Variants in LPGAT1 observed in about 807,000 individuals in gnomAD.
The protein encoded by LPGAT1 is lysophosphatidylglycerol acyltransferase 1, also known as acyl-CoA:lysophosphatidylglycerol acyltransferase 1.
Under a neutral mutation model 47.5 loss-of-function variants are expected in LPGAT1, and 11 were observed. That is an observed-to-expected ratio of 0.23 (90% CI 0.15 to 0.38). LPGAT1 has a LOEUF of 0.38. LPGAT1 is among the 10% of genes least tolerant of loss of function. The pLI, the probability that LPGAT1 is intolerant of heterozygous loss-of-function variation, is 1.00. For missense variants in LPGAT1, 293 were observed against 439.0 expected (o/e 0.67, Z 2.97); for synonymous variants, 138 against 144.2 (o/e 0.96, Z 0.31).
intron 7 of LPGAT1, 81 bp from the exon 8 acceptor site, chr1:211,750,131 T>C (rs1571686440): frequency 8.2e-7 from 1 of 1,214,126 alleles, no homozygotes; most frequent in Non-Finnish European, 1.2e-6. Flanking sequence ...TTAGCTTAAC[T>C]ACATTTGTAC....
intron 2 of LPGAT1, among the ~76,000 whole-genome samples, chr1:211,813,508 C>A (rs921466472): frequency 3.3e-5 from 5 of 152,038 alleles, no homozygotes; most frequent in Non-Finnish European, 7.3e-5. Context: ...GGCCAAGAGG[C>A]AAATGAGGGT....
At chr1:211,755,420 GA>G (rs549447343) in intron 6 of LPGAT1, among the ~76,000 whole-genome samples, 4 of 149,574 alleles carry the variant, frequency 2.7e-5, no homozygotes, top group South Asian at 2.1e-4. Flanking sequence ...AATAAATATT[GA>G]AAAAAAAATC....
intron 2 of LPGAT1, among the ~76,000 whole-genome samples, chr1:211,820,231 ACCT>A (rs920244005): frequency 8.5e-5 from 13 of 152,192 alleles, no homozygotes; most frequent in African/African-American, 2.9e-4. Flanking sequence ...CCCCATACAA[ACCT>A]CCTACAAATA....
intron 4 of LPGAT1, among the ~76,000 whole-genome samples, chr1:211,787,305 C>T (rs763277569): frequency 6.6e-6 from 1 of 151,970 alleles, no homozygotes; most frequent in Non-Finnish European, 1.5e-5. Context: ...CCCTAACCAA[C>T]ACAGTGAAAC....
chr1:211,756,173 T>C (rs1188493628), intron 6 of LPGAT1, among the ~76,000 whole-genome samples: 1 of 151,836 alleles, frequency 6.6e-6, no homozygotes, highest in African/African-American at 2.4e-5. Context: ...GAGGTGGAGG[T>C]TGCAGTGAGC....
chr1:211,827,134 A>G (rs1004417027), intron 2 of LPGAT1, among the ~76,000 whole-genome samples: 3 of 152,230 alleles, frequency 2.0e-5, no homozygotes, highest in Non-Finnish European at 4.4e-5. Flanking sequence ...TACCTATAGG[A>G]AAACCTTTTA....
chr1:211,776,073 C>T (rs1318339730), intron 6 of LPGAT1, among the ~76,000 whole-genome samples: 1 of 149,466 alleles, frequency 6.7e-6, no homozygotes, highest in Non-Finnish European at 1.5e-5. Flanking sequence ...CTTTTAATTA[C>T]AGAACTCTAG....
At chr1:211,820,743 C>T (rs1660342415) in intron 2 of LPGAT1, among the ~76,000 whole-genome samples, 1 of 151,944 alleles carries the variant, frequency 6.6e-6, no homozygotes, top group South Asian at 2.1e-4. Context: ...TAACTAAGGT[C>T]TCCAAAAAGG....
chr1:211,786,484 A>C (rs1658883159), intron 4 of LPGAT1, among the ~76,000 whole-genome samples: 1 of 152,262 alleles, frequency 6.6e-6, no homozygotes, highest in African/African-American at 2.4e-5. Context: ...ACCATATTTC[A>C]GTTATCCATT....
At chr1:211,816,282 C>G (rs916349670) in intron 2 of LPGAT1, among the ~76,000 whole-genome samples, 1 of 152,124 alleles carries the variant, frequency 6.6e-6, no homozygotes, top group East Asian at 1.9e-4. Context: ...CCTGTTGTCT[C>G]TCTCCCACAC....
Position 211,829,070 on chromosome 1 carries a change from G to A in LPGAT1, c.227C>T (p.Ala76Val). 1.2e-6 allele frequency: 2 copies of A among 1,613,916 alleles called. No homozygotes were observed. The highest frequency in any genetic ancestry group is 2.2e-5 in the South Asian group (2 of 91,076). Residue 76 changes from alanine (A) to valine (V), a missense_variant, in exon 2 of 8, where the codon GCT becomes GTT. Coordinates refer to ENST00000366997, the MANE Select transcript of LPGAT1 (RefSeq NM_014873.3). ...LGMVASWGWY[A>V]GYTVMEWGED... is the part of the protein sequence containing the mutation. ...GTTCTCACTCTTACCTGTATATCCA[G>A]CATACCATCCCCAGGAAGCTACCAT...
intron 6 of LPGAT1, among the ~76,000 whole-genome samples, chr1:211,756,247 A>T (rs1456599316): frequency 1.3e-5 from 2 of 152,162 alleles, no homozygotes; most frequent in Admixed American, 1.3e-4. Context: ...AAAAAAACCA[A>T]ACCAAAACAA....
intron 1 of LPGAT1, 193 bp from the exon 2 acceptor site, chr1:211,829,516 T>C (rs182110737): frequency 1.6e-5 from 23 of 1,422,804 alleles, no homozygotes; most frequent in Middle Eastern, 5.2e-4. Flanking sequence ...CCGCACAAGG[T>C]CAAGGGAGCT....
chr1:211,830,042 G>A lies in LPGAT1; in HGVS notation c.-28+531C>T, dbSNP rs1660675414. On this transcript the variant is annotated intron_variant, in intron 1 of 7. Coordinates refer to ENST00000366997, the MANE Select transcript of LPGAT1 (RefSeq NM_014873.3). This position sits in a 1 kb window ranked among gnomAD's most constrained non-coding sequence, Gnocchi z 5.9. ...TGGGGATGAAGAGAATGAGATTTCC[G>A]ACCAGAGGGCAAGGAAGCAGGGGAT... The A allele has an allele frequency of 2.3e-5, 23 of 985,470 alleles. No individual in the cohort carries two copies. In the South Asian group the frequency reaches 2.3e-4, roughly 10 times the overall value. The allele number at this position is 985,470 out of a possible 1,614,324, so 61.0% of individuals were successfully genotyped here. A position where few individuals can be genotyped will look rare whatever the true frequency, so the allele number is the denominator to read the frequency against.
chr1:211,786,592 T>C (rs1658887222), intron 4 of LPGAT1, among the ~76,000 whole-genome samples: 1 of 152,218 alleles, frequency 6.6e-6, no homozygotes, highest in South Asian at 2.1e-4. Context: ...AAACTATTCC[T>C]AATGCTTGGG....
chr1:211,823,133 A>T (rs6703304), intron 2 of LPGAT1, among the ~76,000 whole-genome samples: 124,696 of 152,094 alleles, frequency 0.82, 51,470 homozygotes, highest in African/African-American at 0.92. Flanking sequence ...TGGCTCTTCA[A>T]ATACAAAAAT....
chr1:211,815,773 CTTTTTTTTTT>C (rs938719098), intron 2 of LPGAT1, among the ~76,000 whole-genome samples: 7 of 101,846 alleles, frequency 6.9e-5, no homozygotes, highest in Non-Finnish European at 1.2e-4. Flanking sequence ...AAATGCTTTT[CTTTTTTTTTT>C]TTTTTTTTTT....
chr1:211,814,959 T>G (rs916475845), intron 2 of LPGAT1, among the ~76,000 whole-genome samples: 1 of 152,206 alleles, frequency 6.6e-6, no homozygotes, highest in African/African-American at 2.4e-5. Flanking sequence ...ATTGAAACAC[T>G]GTGGACTTCT....
chr1:211,768,137 T>C (rs188829476), intron 6 of LPGAT1, among the ~76,000 whole-genome samples: 12 of 152,334 alleles, frequency 7.9e-5, no homozygotes, highest in Non-Finnish European at 1.8e-4. Context: ...TATGAAAATC[T>C]AGACTATGTA....
Sources: gnomAD v4.1 joint callset for allele counts (sites outside exome capture counted in the v4.1 genomes callset) on GRCh38, gnomAD v4.1.1 for gene constraint, Gnocchi (gnomAD v3.1) non-coding constraint, MANE v1.5 for transcripts, NCBI Gene and HGNC (gene_info 2026-07-23, HGNC 2026-07-21) for gene names.